The following PTPN12 variants were observed in gnomAD, a reference collection of about 807,000 sequenced individuals.
PTPN12 encodes the protein tyrosine-protein phosphatase non-receptor type 12.
Under a neutral mutation model 97.6 loss-of-function variants are expected in PTPN12, and 29 were observed. The observed-to-expected ratio is 0.30, with a 90% CI of 0.22 to 0.41. The LOEUF (loss-of-function observed/expected upper bound fraction) is 0.41. Ranked by LOEUF, PTPN12 falls within the 10% of genes least tolerant of loss-of-function variation. The pLI is 1.00. For synonymous variants in PTPN12, 327 were observed against 300.4 expected (o/e 1.09, Z -0.91); for missense variants, 819 against 926.0 (o/e 0.88, Z 1.50).
chr7:77,569,861 A>T (rs927700316), intron 1 of PTPN12, among the ~76,000 whole-genome samples: 2 of 152,198 alleles, frequency 1.3e-5, no homozygotes, highest in Non-Finnish European at 2.9e-5. Flanking sequence ...AAAGTTGTAG[A>T]AGTACAATTC....
chr7:77,585,485 A>G, intron 4 of PTPN12, 58 bp from the exon 5 acceptor site: 1 of 1,457,894 alleles, frequency 6.9e-7, no homozygotes, highest in Non-Finnish European at 9.5e-7. Flanking sequence ...TTTATTAAAA[A>G]GTAAAATTGT....
At chr7:77,554,846 A>G (rs763973044) in intron 1 of PTPN12, among the ~76,000 whole-genome samples, 81 of 151,982 alleles carry the variant, frequency 5.3e-4, no homozygotes, top group Admixed American at 1.3e-3. Flanking sequence ...TACTCACTTA[A>G]GTTTTTTTTT....
chr7:77,551,300 A>G (rs1443678476), intron 1 of PTPN12, among the ~76,000 whole-genome samples: 2 of 152,162 alleles, frequency 1.3e-5, no homozygotes, highest in Non-Finnish European at 2.9e-5. Context: ...ACCTCAGGTA[A>G]TCCACCCGCC....
chr7:77,562,418 T>C (rs1024703597), intron 1 of PTPN12, among the ~76,000 whole-genome samples: 2 of 152,194 alleles, frequency 1.3e-5, no homozygotes, highest in African/African-American at 2.4e-5. Context: ...TGTAATACTT[T>C]GGGAGTCTGG....
chr7:77,568,236 G>T lies in PTPN12; in HGVS notation c.100-2842G>T, dbSNP rs118120182. On this transcript the variant is annotated intron_variant, in intron 1 of 17. Coordinates refer to ENST00000248594, the MANE Select transcript of PTPN12 (RefSeq NM_002835.4). ...CAAACTTAAATAAGATAAATATTTG[G>T]ACGCAAAAGTTCTCAAGGTTCATTA... is the stretch of plus-strand genomic sequence containing the variant. Among the ~76,000 whole-genome samples the T allele has an allele frequency of 2.0e-5, 3 of 152,228 alleles. No homozygotes were observed. The East Asian group carries it at 5.8e-4, about 29-fold the overall frequency.
chr7:77,537,768 C>T lies in PTPN12; in HGVS notation c.99+123C>T, dbSNP rs931564144. 16 of 1,101,242 alleles carry T rather than the reference C, an allele frequency of 1.5e-5. No homozygotes were observed. In the Admixed American group the frequency reaches 1.7e-4, roughly 12 times the overall value. 68.2% of individuals were successfully genotyped at this position (1,101,242 alleles called of 1,614,324 possible). A position where few individuals can be genotyped will look rare whatever the true frequency, so the allele number is the denominator to read the frequency against. ...GGAGAGGGGCGGAGGGGGCGCGCAC[C>T]AGCCGGGTGAGCCGGGTGGTCTCGG... On this transcript the variant is annotated intron_variant, in intron 1 of 17. Transcript: ENST00000248594.
At chr7:77,558,429 A>G (rs559279098) in intron 1 of PTPN12, among the ~76,000 whole-genome samples, 36 of 152,332 alleles carry the variant, frequency 2.4e-4, no homozygotes, top group African/African-American at 7.7e-4. Flanking sequence ...GCATATGTGC[A>G]TAAAATAGTA....
At chr7:77,537,699 C>T (rs1806722846) in intron 1 of PTPN12, 54 bp downstream of exon 1, 4 of 1,522,222 alleles carry the variant, frequency 2.6e-6, no homozygotes, top group South Asian at 1.2e-5. Flanking sequence ...AGCCCATCGC[C>T]GCCTCTCCCG....
intron 1 of PTPN12, among the ~76,000 whole-genome samples, chr7:77,540,280 C>G (rs1017760125): frequency 2.0e-5 from 3 of 150,968 alleles, no homozygotes; most frequent in Admixed American, 2.0e-4. Context: ...CTGTGTCGCC[C>G]AGGTTGGAGT....
chr7:77,608,082 T>C (rs1402388405), intron 9 of PTPN12, among the ~76,000 whole-genome samples: 1 of 152,168 alleles, frequency 6.6e-6, no homozygotes, highest in South Asian at 2.1e-4. Flanking sequence ...ACTCTAGGTA[T>C]AAGTGTATTT....
intron 11 of PTPN12, among the ~76,000 whole-genome samples, chr7:77,612,061 T>C (rs932978762): frequency 6.6e-6 from 1 of 152,124 alleles, no homozygotes; most frequent in East Asian, 1.9e-4. Context: ...AAACCAAGTA[T>C]GAGAAAATAA....
chr7:77,553,841 C>T (rs1482967915), intron 1 of PTPN12, among the ~76,000 whole-genome samples: 1 of 110,248 alleles, frequency 9.1e-6, no homozygotes, highest in Non-Finnish European at 1.8e-5. Flanking sequence ...TGTCATTGTT[C>T]TTTGTTCCTA....
At chr7:77,597,146 C>T (rs1280802503) in intron 6 of PTPN12, among the ~76,000 whole-genome samples, 1 of 151,986 alleles carries the variant, frequency 6.6e-6, no homozygotes, top group African/African-American at 2.4e-5. Context: ...TGTTTTGAGA[C>T]GGAGTCTTGC....
At chr7:77,572,728 A>G (rs1296181848) in intron 2 of PTPN12, among the ~76,000 whole-genome samples, 2 of 152,156 alleles carry the variant, frequency 1.3e-5, no homozygotes, top group East Asian at 1.9e-4. Flanking sequence ...CATCCTTAAA[A>G]TGGAGATTAT....
chr7:77,562,796 CAA>C (rs897755104), intron 1 of PTPN12, among the ~76,000 whole-genome samples: 1 of 152,010 alleles, frequency 6.6e-6, no homozygotes, highest in Non-Finnish European at 1.5e-5. Flanking sequence ...ATGTATATGA[CAA>C]AATTTTATTG....
At chr7:77,582,541 TG>T (rs561276396) in intron 3 of PTPN12, among the ~76,000 whole-genome samples, 23 of 152,100 alleles carry the variant, frequency 1.5e-4, no homozygotes, top group Non-Finnish European at 1.9e-4. Context: ...CCCAGCACTT[TG>T]GGAGACCTAG....
rs754842372 is a variant in PTPN12, at chr7:77,637,945, A to ATTTT, written c.2174-653_2174-650dup. On this transcript the variant is annotated intron_variant, in intron 16 of 17. Transcript: ENST00000248594. ...ACCCTGACCTTGTTGATTTCTTAAAATTTTTTTTTTTTTTTTTTTTTTTTT... is the reference window on the plus strand; with the variant it reads ...ACCCTGACCTTGTTGATTTCTTAAAATTTTTTTTTTTTTTTTTTTTTTTTTTTTT... Among the ~76,000 whole-genome samples, 121 of 66,792 alleles carry ATTTT rather than the reference A, an allele frequency of 1.8e-3. 7 individuals carry two copies. The highest frequency in any genetic ancestry group is 0.012 in the Admixed American group (48 of 4,166). The allele number at this position is 66,792 out of a possible 152,430, so 43.8% of individuals were successfully genotyped here. A position where few individuals can be genotyped will look rare whatever the true frequency, so the allele number is the denominator to read the frequency against.
At chr7:77,602,497 A>G (rs1403595354) in intron 8 of PTPN12, among the ~76,000 whole-genome samples, 1 of 152,072 alleles carries the variant, frequency 6.6e-6, no homozygotes, top group African/African-American at 2.4e-5. Flanking sequence ...GACCGGGTAT[A>G]GTGGCTCAGT....
intron 6 of PTPN12, among the ~76,000 whole-genome samples, chr7:77,595,801 A>G (rs931871023): frequency 1.3e-5 from 2 of 152,204 alleles, no homozygotes; most frequent in African/African-American, 4.8e-5. Flanking sequence ...GTTGTTCTTC[A>G]TAATCCTTGT....
Sources: gnomAD v4.1 joint callset for allele counts (sites outside exome capture counted in the v4.1 genomes callset) on GRCh38, gnomAD v4.1.1 for gene constraint, MANE v1.5 for transcripts, NCBI Gene and HGNC (gene_info 2026-07-23, HGNC 2026-07-21) for gene names.